The following RPS6KC1 variants were observed in gnomAD, a reference collection of about 807,000 sequenced individuals.
RPS6KC1 encodes the protein inactive ribosomal protein S6 kinase delta-1.
Under a neutral mutation model 103.8 loss-of-function variants are expected in RPS6KC1, and 54 were observed. That is an observed-to-expected ratio of 0.52 (90% CI 0.42 to 0.65). The LOEUF is 0.65. Among genes scored for constraint, RPS6KC1 ranks in the 30% least tolerant of loss-of-function variants. The probability of loss-of-function intolerance (pLI) is 0.00; values close to 1 mark genes in which losing one functional copy is unlikely to be tolerated. For missense variants in RPS6KC1, 1,151 were observed against 1,253.8 expected (o/e 0.92, Z 1.24); for synonymous variants, 439 against 438.7 (o/e 1.00, Z -0.01).
intron 6 of RPS6KC1, among the ~76,000 whole-genome samples, chr1:213,167,466 ACACACACACACACACACACACAC>A (rs2091074102): frequency 4.2e-5 from 6 of 141,634 alleles, no homozygotes; most frequent in Non-Finnish European, 7.9e-5. Flanking sequence ...ACACACACAC[ACACACACACACACACACACACAC>A]AACAGCTGTT....
the RPS6KC1 span, among the ~76,000 whole-genome samples, chr1:213,280,357 A>C: frequency 2.6e-5 from 4 of 152,238 alleles, no homozygotes; most frequent in African/African-American, 4.8e-5. Context: ...TGGCATAAAC[A>C]TCAAATTATA....
the RPS6KC1 span, among the ~76,000 whole-genome samples, chr1:213,294,680 C>G: frequency 6.6e-6 from 1 of 152,098 alleles, no homozygotes; most frequent in African/African-American, 2.4e-5. Flanking sequence ...CATGCCCAAC[C>G]CAAAGAGAAG....
chr1:213,390,112 T>G, the RPS6KC1 span, among the ~76,000 whole-genome samples: 1 of 152,176 alleles, frequency 6.6e-6, no homozygotes, highest in Non-Finnish European at 1.5e-5. Context: ...ATGACATTTA[T>G]GTGAAATAAA....
intron 8 of RPS6KC1, among the ~76,000 whole-genome samples, chr1:213,219,545 A>G (rs61832467): frequency 0.034 from 5,127 of 152,312 alleles, 117 homozygotes; most frequent in Middle Eastern, 0.054. Flanking sequence ...TGCTGCTATA[A>G]AGACACATGC....
intron 8 of RPS6KC1, 195 bp downstream of exon 8, chr1:213,176,687 A>T: frequency 2.6e-6 from 1 of 388,922 alleles, no homozygotes. Flanking sequence ...TGCAAAATAT[A>T]TTTGAGCTAA....
the RPS6KC1 span, among the ~76,000 whole-genome samples, chr1:213,344,219 A>T: frequency 6.6e-6 from 1 of 152,232 alleles, no homozygotes; most frequent in East Asian, 1.9e-4. Context: ...ACCTAAAAAA[A>T]ATCAGTACAA....
the RPS6KC1 span, among the ~76,000 whole-genome samples, chr1:213,830,447 C>T: frequency 2.0e-5 from 3 of 152,062 alleles, no homozygotes; most frequent in Admixed American, 2.0e-4. Flanking sequence ...GACTCACGAG[C>T]AGGTAGTCTG....
chr1:213,797,596 G>A, the RPS6KC1 span, among the ~76,000 whole-genome samples: 4 of 152,284 alleles, frequency 2.6e-5, no homozygotes, highest in Middle Eastern at 6.8e-3. Flanking sequence ...GAAAGGGTTT[G>A]GTACAACTTT....
chr1:213,069,720 A>T (rs1225419125), intron 1 of RPS6KC1, among the ~76,000 whole-genome samples: 1 of 152,196 alleles, frequency 6.6e-6, no homozygotes, highest in Non-Finnish European at 1.5e-5. Context: ...TTATTAAGAA[A>T]GTAAGGGAAT....
At chr1:213,425,639 C>T in the RPS6KC1 span, among the ~76,000 whole-genome samples, 1 of 152,198 alleles carries the variant, frequency 6.6e-6, no homozygotes, top group Non-Finnish European at 1.5e-5. Flanking sequence ...CAGCTAATAA[C>T]GTTCTCAAGA....
the RPS6KC1 span, among the ~76,000 whole-genome samples, chr1:213,455,712 G>T: frequency 6.6e-6 from 1 of 152,192 alleles, no homozygotes; most frequent in Admixed American, 6.5e-5. Flanking sequence ...TTTAAAGGAG[G>T]AAGCCATGGA....
intron 12 of RPS6KC1, 23 bp from the exon 13 acceptor site, chr1:213,261,535 T>C (rs1445332592): frequency 1.2e-6 from 2 of 1,605,978 alleles, no homozygotes; most frequent in South Asian, 1.1e-5. Context: ...AATTTTAATA[T>C]CAACCTTTTT....
chr1:213,597,567 A>T, the RPS6KC1 span, among the ~76,000 whole-genome samples: 2 of 152,230 alleles, frequency 1.3e-5, no homozygotes, highest in South Asian at 4.1e-4. Flanking sequence ...GTTCAGCAGG[A>T]CGATCCATGG....
At chr1:213,596,732 T>C in the RPS6KC1 span, among the ~76,000 whole-genome samples, 1 of 152,264 alleles carries the variant, frequency 6.6e-6, no homozygotes, top group Non-Finnish European at 1.5e-5. Flanking sequence ...TTTCCTCTCA[T>C]TTGGCTTTAT....
At chr1:213,158,017 C>A (rs1226448151) in intron 6 of RPS6KC1, among the ~76,000 whole-genome samples, 2 of 151,890 alleles carry the variant, frequency 1.3e-5, no homozygotes, top group African/African-American at 4.8e-5. Context: ...CGGTATGTTT[C>A]CATTTTTTTA....
chr1:213,754,784 A>G, the RPS6KC1 span, among the ~76,000 whole-genome samples: 6 of 152,188 alleles, frequency 3.9e-5, no homozygotes, highest in African/African-American at 1.2e-4. Flanking sequence ...CTACAACCCC[A>G]TTTCCAAATA....
At chr1:213,728,803 T>C in the RPS6KC1 span, among the ~76,000 whole-genome samples, 7 of 152,078 alleles carry the variant, frequency 4.6e-5, no homozygotes, top group Non-Finnish European at 1.0e-4. Flanking sequence ...GCTTTCCATA[T>C]AGGTCACAGC....
At chr1:213,436,282 A>G in the RPS6KC1 span, among the ~76,000 whole-genome samples, 4 of 152,232 alleles carry the variant, frequency 2.6e-5, no homozygotes, top group African/African-American at 7.2e-5. Context: ...CGAGTGTTCA[A>G]TAGCTATATG....
At chr1:213,813,692 T>G in the RPS6KC1 span, among the ~76,000 whole-genome samples, 1 of 151,932 alleles carries the variant, frequency 6.6e-6, no homozygotes, top group Admixed American at 6.6e-5. Flanking sequence ...AGAAGGAGGG[T>G]GGAGAATCTG....
Sources: allele counts gnomAD v4.1 joint callset (sites outside exome capture counted in the v4.1 genomes callset), GRCh38; gene constraint gnomAD v4.1.1; transcripts MANE v1.5; gene names NCBI Gene and HGNC (gene_info 2026-07-23, HGNC 2026-07-21).